Variants in DNM2 observed in about 807,000 individuals in gnomAD.
DNM2 encodes dynamin 2, also known as dynamin-2.
A neutral mutation model predicts 99.0 loss-of-function variants in DNM2; 15 were observed. The ratio of observed to expected loss-of-function variants is 0.15; its 90% CI spans 0.10 to 0.23. DNM2 has a LOEUF of 0.23. Ranked by LOEUF, DNM2 falls within the 10% of genes least tolerant of loss-of-function variation. The pLI is 1.00. For synonymous variants in DNM2, 525 were observed against 481.2 expected, an observed-to-expected ratio of 1.09 and a Z score of -1.19; for missense variants, 742 against 1,189.4, an observed-to-expected ratio of 0.62 and a Z score of 5.53.
rs970933754 is a variant in DNM2, at chr19:10,765,270, A to T, written c.235+5459A>T. Among the ~76,000 whole-genome samples the T allele has an allele frequency of 6.6e-6, 1 of 151,898 alleles. No homozygotes were observed. Among genetic ancestry groups the T allele is most frequent in the Non-Finnish European group, 1.5e-5 (1 of 67,954 alleles). Reference sequence around the variant, plus strand: ...ACCACGCCCGGCCTGTTTTTTCTTAATGGACTCTCTCTGCGCCAGCACACG... The same window carrying T: ...ACCACGCCCGGCCTGTTTTTTCTTATTGGACTCTCTCTGCGCCAGCACACG... On this transcript the variant is annotated intron_variant, in intron 2 of 20. Coordinates refer to ENST00000389253, the MANE Select transcript of DNM2 (RefSeq NM_001005361.3). The surrounding 1 kb of genome is among the most constrained non-coding windows in gnomAD (Gnocchi z 4.4).
chr19:10,759,496 G>A (rs1352315083), intron 1 of DNM2: 36 of 582,778 alleles, frequency 6.2e-5, no homozygotes. Context: ...TACGGGGGGT[G>A]GGGCACAGCC....
intron 1 of DNM2, among the ~76,000 whole-genome samples, chr19:10,732,473 G>A (rs2069363032): frequency 6.6e-6 from 1 of 151,592 alleles, no homozygotes. Context: ...GGTGGCGAGC[G>A]CCTGTAGTCC....
At position 10,748,940 on chromosome 19, in the gene DNM2, C is replaced by T. The variant is rs1328906096; in HGVS notation, c.162-10798C>T. Among the ~76,000 whole-genome samples the T allele has an allele frequency of 6.6e-5, 10 of 152,180 alleles. No homozygotes were observed. The East Asian group carries it at 1.7e-3, about 26-fold the overall frequency. On this transcript the variant is annotated intron_variant, in intron 1 of 20. Transcript: ENST00000389253. ...TTGGCCCTGGAGTGTGGGCTCCTGC[C>T]GAAGCCTCTTCCTGTGGCCAGTGCC... is the stretch of plus-strand genomic sequence containing the variant.
At chr19:10,802,398 T>C in intron 12 of DNM2, 40 bp downstream of exon 12, 1 of 1,603,120 alleles carries the variant, frequency 6.2e-7, no homozygotes, top group Non-Finnish European at 8.5e-7. Flanking sequence ...GCGGCACCAA[T>C]CCTCACTCTC....
intron 1 of DNM2, among the ~76,000 whole-genome samples, chr19:10,747,387 A>G (rs2070027776): frequency 6.6e-6 from 1 of 152,106 alleles, no homozygotes; most frequent in Non-Finnish European, 1.5e-5. Flanking sequence ...CACGATCACG[A>G]ATTGCCACAG....
At chr19:10,777,069 G>T in intron 4 of DNM2, 49 bp from the exon 5 acceptor site, 1 of 1,598,316 alleles carries the variant, frequency 6.3e-7, no homozygotes, top group Non-Finnish European at 8.6e-7. Flanking sequence ...GCCAGCTGAT[G>T]CTCTTTCCTG....
chr19:10,737,240 GGC>G (rs1331999739), intron 1 of DNM2, among the ~76,000 whole-genome samples: 10 of 152,080 alleles, frequency 6.6e-5, no homozygotes, highest in South Asian at 2.1e-4. Flanking sequence ...ATGCAGGTGA[GGC>G]GCTGTCCTAC....
At chr19:10,814,260 T>C (rs1158713625) in intron 15 of DNM2, among the ~76,000 whole-genome samples, 3 of 151,932 alleles carry the variant, frequency 2.0e-5, no homozygotes, top group Non-Finnish European at 4.4e-5. Flanking sequence ...AGGTCGGGAG[T>C]TCGAGACCAG....
In DNM2 at chr19:10,718,249, A is replaced by G; in HGVS notation, c.7A>G (p.Asn3Asp). 6.8e-7 allele frequency: 1 copy of G among 1,480,846 alleles called. No homozygotes were observed. The highest frequency in any genetic ancestry group is 9.0e-7 in the Non-Finnish European group (1 of 1,113,680). The allele number at this position is 1,480,846 out of a possible 1,614,324, so 91.7% of individuals were successfully genotyped here. A position where few individuals can be genotyped will look rare whatever the true frequency, so the allele number is the denominator to read the frequency against. The change falls in exon 1 of 21, where the codon AAC (asparagine) becomes GAC (aspartate). Residue 3 changes from asparagine (N) to aspartate (D), a missense_variant. Asn to Asp is a conservative substitution (Grantham distance 23, BLOSUM62 1). Transcript: ENST00000389253. MG[N>D]RGMEELIPLV... ...GCCGGGGGCCGCCGGCGCCATGGGCAACCGCGGGATGGAAGAGCTGATCCC... is the reference window on the plus strand; with the variant it reads ...GCCGGGGGCCGCCGGCGCCATGGGCGACCGCGGGATGGAAGAGCTGATCCC...
chr19:10,782,908 G>C, intron 5 of DNM2, 52 bp from the exon 6 acceptor site: 1 of 1,613,162 alleles, frequency 6.2e-7, no homozygotes, highest in Non-Finnish European at 8.5e-7. Flanking sequence ...CCCGTGCCAG[G>C]TCCACTTGGC....
intron 14 of DNM2, chr19:10,809,553 C>CCCAGT (rs1182920972): frequency 6.6e-6 from 1 of 152,424 alleles, no homozygotes; most frequent in Non-Finnish European, 1.5e-5. Flanking sequence ...GGGCGTGAGG[C>CCCAGT]CCAGTCCAGC....
intron 14 of DNM2, chr19:10,808,920 A>G (rs186581745): frequency 8.4e-4 from 235 of 279,864 alleles, no homozygotes; most frequent in African/African-American, 4.1e-3. Context: ...GATCTCGCTT[A>G]AGCCAGACCA....
At chr19:10,755,076 C>G (rs1477191895) in intron 1 of DNM2, 1 of 152,194 alleles carries the variant, frequency 6.6e-6, no homozygotes, top group Non-Finnish European at 1.5e-5. Flanking sequence ...CCCTGTGACT[C>G]AGCAAGAGAA....
rs1671028376 is a variant in DNM2 at position 10,818,591 on chromosome 19, C to T, written c.1672-1389C>T. ...CCAAGCCCACTGCTTCATCCTGGCT[C>T]CCCTTGCAAAGTCCTGACAGTCCCA... On this transcript the variant is annotated intron_variant, in intron 15 of 20. Transcript: ENST00000389253. The surrounding 1 kb of genome is among the most constrained non-coding windows in gnomAD (Gnocchi z 4.3). 6.6e-6 allele frequency among the ~76,000 whole-genome samples: 1 copy of T among 152,214 alleles called. No individual in the cohort carries two copies. Among genetic ancestry groups the T allele is most frequent in the Admixed American group, 6.5e-5 (1 of 15,284 alleles).
intron 8 of DNM2, among the ~76,000 whole-genome samples, chr19:10,794,571 ATC>A (rs1367986484): frequency 6.6e-6 from 1 of 151,988 alleles, no homozygotes; most frequent in Non-Finnish European, 1.5e-5. Context: ...GTGAAACCCC[ATC>A]TCTACTAAAA....
rs1182162220 is a variant in DNM2, at chr19:10,796,463, T to G, written c.1197-917T>G. Among the ~76,000 whole-genome samples, 3 of 152,136 alleles carry G rather than the reference T, an allele frequency of 2.0e-5. No individual in the cohort carries two copies. Among genetic ancestry groups the G allele is most frequent in the Admixed American group, 2.0e-4 (3 of 15,270 alleles). ...GGACCCTGATACCAAGCCTAGCATG[T>G]GTCTGATGAAATTGGGGTTTCACTG... On this transcript the variant is annotated intron_variant, in intron 9 of 20. Coordinates refer to ENST00000389253, the MANE Select transcript of DNM2 (RefSeq NM_001005361.3). The surrounding 1 kb of genome is among the most constrained non-coding windows in gnomAD (Gnocchi z 5.6).
Position 10,772,481 on chromosome 19 carries a change from C to A in DNM2, c.238C>A (p.His80Asn). 6.2e-7 allele frequency: 1 copy of A among 1,614,130 alleles called. No homozygotes were observed. Among genetic ancestry groups the A allele is most frequent in the Non-Finnish European group, 8.5e-7 (1 of 1,180,036 alleles). Residue 80 changes from histidine to asparagine, a missense_variant and splice_region_variant, in exon 3 of 21, where the codon CAT becomes AAT. Coordinates refer to ENST00000389253, the MANE Select transcript of DNM2 (RefSeq NM_001005361.3). The surrounding 1 kb of genome is among the most constrained non-coding windows in gnomAD (Gnocchi z 4.9). ...ILQLIFSKTE[H>N]AEFLHCKSKK... ...CAGCATCTCTCTTCCCTTTCTAGAA[C>A]ATGCCGAGTTTTTGCACTGCAAGTC...
rs1196909238 is a variant in DNM2 at position 10,764,770 on chromosome 19, A to G, written c.235+4959A>G. 1.3e-5 allele frequency among the ~76,000 whole-genome samples: 2 copies of G among 151,094 alleles called. No individual in the cohort carries two copies. Among genetic ancestry groups the G allele is most frequent in the East Asian group, 3.9e-4 (2 of 5,124 alleles). ...TGGTCCCCAGCCACTGCCCCCATCCATCTCCCTCCTGATTCTCAGGCCCAG... is the reference window on the plus strand; with the variant it reads ...TGGTCCCCAGCCACTGCCCCCATCCGTCTCCCTCCTGATTCTCAGGCCCAG... On this transcript the variant is annotated intron_variant, in intron 2 of 20. Transcript: ENST00000389253. This position sits in a 1 kb window ranked among gnomAD's most constrained non-coding sequence, Gnocchi z 4.1.
chr19:10,777,170 C>G lies in DNM2; in HGVS notation c.642C>G (p.Thr214=), dbSNP rs752944817. 3.7e-6 allele frequency: 6 copies of G among 1,614,160 alleles called. No homozygotes were observed. The highest frequency in any genetic ancestry group is 5.1e-6 in the Non-Finnish European group (6 of 1,180,034). ...ITKLDLMDEG[T]DARDVLENKL... is the part of the protein sequence containing the mutation. ...AGCTTGACCTGATGGACGAGGGCAC[C>G]GACGCCAGGGACGTCTTGGAGAACA... is the stretch of plus-strand genomic sequence containing the variant. The change falls in exon 5 of 21, where the codon ACC becomes ACG. Residue 214 remains threonine, a synonymous_variant. Transcript: ENST00000389253.
Sources: allele counts gnomAD v4.1 joint callset (sites outside exome capture counted in the v4.1 genomes callset), GRCh38; gene constraint gnomAD v4.1.1; non-coding constraint Gnocchi (gnomAD v3.1); transcripts MANE v1.5; gene names NCBI Gene and HGNC (gene_info 2026-07-23, HGNC 2026-07-21).